SGMS1: variants seen among roughly 807,000 people sequenced by gnomAD.
SGMS1 encodes sphingomyelin synthase 1.
SGMS1 carries 13 observed loss-of-function variants against 46.2 expected under a neutral mutation model. The observed-to-expected ratio is 0.28, with a 90% CI of 0.18 to 0.45. The LOEUF (loss-of-function observed/expected upper bound fraction) is 0.45. SGMS1 is among the 20% of genes least tolerant of loss of function. The pLI, the probability that SGMS1 is intolerant of heterozygous loss-of-function variation, is 1.00. For missense variants in SGMS1, 324 were observed against 519.9 expected (o/e 0.62, Z 3.66); for synonymous variants, 203 against 187.8 (o/e 1.08, Z -0.66).
chr10:50,570,733 G>A (rs1219679412), intron 2 of SGMS1, among the ~76,000 whole-genome samples: 1 of 152,174 alleles, frequency 6.6e-6, no homozygotes, highest in African/African-American at 2.4e-5. Flanking sequence ...CCAGGACTTT[G>A]AGACCAGCCT....
In SGMS1 at chr10:50,433,475, C is replaced by T. The variant is rs908818316; in HGVS notation, c.-232+1G>A. ...CCAAAAGGCCAAGAACATTAACTTA[C>T]GGATTATTTAAAAACATTCTGGTCA... is the stretch of plus-strand genomic sequence containing the variant. On this transcript the variant is annotated splice_donor_variant, in intron 6 of 10. Transcript: ENST00000361781. LOFTEE classifies it low-confidence loss of function (5UTR_SPLICE). 9 of 152,348 alleles carry T rather than the reference C, an allele frequency of 5.9e-5. No individual in the cohort carries two copies. Among genetic ancestry groups the T allele is most frequent in the African/African-American group, 1.7e-4 (7 of 41,448 alleles). The allele number at this position is 152,348 out of a possible 1,614,324, so 9.4% of individuals were successfully genotyped here.
At chr10:50,425,847 G>T (rs1486234196) in intron 6 of SGMS1, among the ~76,000 whole-genome samples, 2 of 152,238 alleles carry the variant, frequency 1.3e-5, no homozygotes, top group Non-Finnish European at 2.9e-5. Context: ...AATCTGAGGT[G>T]TGCAAGTTAA....
intron 3 of SGMS1, among the ~76,000 whole-genome samples, chr10:50,482,288 ACAAAGGGAAG>A (rs1302892950): frequency 6.6e-6 from 1 of 152,226 alleles, no homozygotes; most frequent in Admixed American, 6.5e-5. Context: ...CAGGTAACCT[ACAAAGGGAAG>A]CCAATCAGAC....
chr10:50,311,569 G>C (rs1847251862), intron 8 of SGMS1, among the ~76,000 whole-genome samples, 154 bp from the exon 9 acceptor site: 1 of 142,316 alleles, frequency 7.0e-6, no homozygotes, highest in African/African-American at 2.5e-5. Flanking sequence ...ACCATTCCAA[G>C]AGTAGCCCTT....
upstream of SGMS1, chr10:50,624,989 C>G (rs954059167): frequency 2.3e-5 from 24 of 1,029,018 alleles, no homozygotes; most frequent in African/African-American, 4.0e-4. Flanking sequence ...CGCTCGGAAC[C>G]GACCTGGGAG....
intron 6 of SGMS1, among the ~76,000 whole-genome samples, chr10:50,406,982 G>C (rs1315664661): frequency 6.6e-6 from 1 of 152,188 alleles, no homozygotes; most frequent in Non-Finnish European, 1.5e-5. Flanking sequence ...TCCCAAAGCA[G>C]TGCTGGGATT....
chr10:50,374,430 TC>T (rs1415585616), intron 6 of SGMS1, among the ~76,000 whole-genome samples: 1 of 147,254 alleles, frequency 6.8e-6, no homozygotes, highest in Non-Finnish European at 1.5e-5. Context: ...CAATCTGTGC[TC>T]CCCCCACCCC....
chr10:50,619,214 C>G (rs1296519413), intron 1 of SGMS1, among the ~76,000 whole-genome samples: 2 of 152,064 alleles, frequency 1.3e-5, no homozygotes, highest in Non-Finnish European at 2.9e-5. Flanking sequence ...AAGCATCCAT[C>G]ATTAGGGAAA....
chr10:50,621,461 T>C (rs1307656543), intron 1 of SGMS1, among the ~76,000 whole-genome samples: 1 of 152,218 alleles, frequency 6.6e-6, no homozygotes, highest in Non-Finnish European at 1.5e-5. Context: ...ACTCTAACCA[T>C]ATTAATACAG....
chr10:50,609,428 G>A (rs918360866), intron 1 of SGMS1, among the ~76,000 whole-genome samples: 1 of 151,308 alleles, frequency 6.6e-6, no homozygotes, highest in Non-Finnish European at 1.5e-5. Flanking sequence ...ACTAAGACCT[G>A]TTGAGGACAT....
At chr10:50,420,291 A>G (rs7916481) in intron 6 of SGMS1, among the ~76,000 whole-genome samples, 3,876 of 152,294 alleles carry the variant, frequency 0.025, 168 homozygotes, top group African/African-American at 0.087. Flanking sequence ...TTCACTACCA[A>G]TAGGCGTAAC....
chr10:50,348,796 C>T (rs979542312), intron 6 of SGMS1, among the ~76,000 whole-genome samples: 23 of 152,342 alleles, frequency 1.5e-4, no homozygotes, highest in Admixed American at 1.2e-3. Flanking sequence ...TGACTTTCTT[C>T]ACAGAACTAG....
chr10:50,307,866 G>T lies in SGMS1; in HGVS notation c.1062+116C>A. 1 of 931,588 alleles carries T rather than the reference G, an allele frequency of 1.1e-6. No individual in the cohort carries two copies. Among genetic ancestry groups the T allele is most frequent in the Non-Finnish European group, 1.7e-6 (1 of 601,724 alleles). The allele number at this position is 931,588 out of a possible 1,614,324, so 57.7% of individuals were successfully genotyped here. A position where few individuals can be genotyped will look rare whatever the true frequency, so the allele number is the denominator to read the frequency against. On this transcript the variant is annotated intron_variant, in intron 10 of 10. Transcript: ENST00000361781. This position sits in a 1 kb window ranked among gnomAD's most constrained non-coding sequence, Gnocchi z 4.2. ...ACAAAAAAACAATACAATCTTAGTT[G>T]ATTACTACTTAAGAAAGAGAAACTT...
chr10:50,536,813 C>T lies in SGMS1; in HGVS notation c.-588-16892G>A, dbSNP rs557140951. 2.7e-4 allele frequency among the ~76,000 whole-genome samples: 41 copies of T among 152,272 alleles called. No individual in the cohort carries two copies. The South Asian group carries it at 5.2e-3, about 19-fold the overall frequency. On this transcript the variant is annotated intron_variant, in intron 2 of 10. Transcript: ENST00000361781. ...AATCATTGTCATCATTAAAAACATG[C>T]TATAATCATTGTCAAGATTATGCAA... is the stretch of plus-strand genomic sequence containing the variant.
intron 6 of SGMS1, among the ~76,000 whole-genome samples, chr10:50,401,317 A>G (rs1393407539): frequency 6.6e-6 from 1 of 152,326 alleles, no homozygotes; most frequent in East Asian, 1.9e-4. Flanking sequence ...TAAAAATAAC[A>G]CATTTGTTGA....
intron 8 of SGMS1, among the ~76,000 whole-genome samples, chr10:50,324,613 G>A (rs1362908313): frequency 2.0e-5 from 3 of 152,214 alleles, no homozygotes; most frequent in Non-Finnish European, 4.4e-5. Context: ...CCATCCAAGA[G>A]GCAGCACCAA....
intron 6 of SGMS1, among the ~76,000 whole-genome samples, chr10:50,360,092 C>T (rs1289908667): frequency 6.6e-6 from 1 of 151,986 alleles, no homozygotes; most frequent in African/African-American, 2.4e-5. Flanking sequence ...TACGTGTTTC[C>T]TTCATTAGCT....
intron 3 of SGMS1, among the ~76,000 whole-genome samples, chr10:50,507,100 C>T (rs1837713622): frequency 6.6e-6 from 1 of 152,200 alleles, no homozygotes; most frequent in Non-Finnish European, 1.5e-5. Context: ...CACAAGATCA[C>T]ACAGCCCATT....
intron 6 of SGMS1, among the ~76,000 whole-genome samples, chr10:50,412,565 T>TG: frequency 6.6e-6 from 1 of 152,224 alleles, no homozygotes; most frequent in East Asian, 1.9e-4. Context: ...ACAGAAAGGG[T>TG]GATCACATGA....
Sources: gnomAD v4.1 joint callset for allele counts (sites outside exome capture counted in the v4.1 genomes callset) on GRCh38, gnomAD v4.1.1 for gene constraint, Gnocchi (gnomAD v3.1) non-coding constraint, MANE v1.5 for transcripts, NCBI Gene and HGNC (gene_info 2026-07-23, HGNC 2026-07-21) for gene names.